The following IKBIP variants were observed in gnomAD, a reference collection of about 807,000 sequenced individuals.
IKBIP encodes the protein inhibitor of nuclear factor kappa-B kinase-interacting protein.
IKBIP carries 28 observed loss-of-function variants against 31.0 expected under a neutral mutation model. The observed-to-expected ratio is 0.90, with a 90% CI of 0.67 to 1.24. The LOEUF (loss-of-function observed/expected upper bound fraction) is 1.24. Ranked by LOEUF, IKBIP falls within the 50% of genes most tolerant of loss-of-function variation. The pLI, the probability that IKBIP is intolerant of heterozygous loss-of-function variation, is 0.00. For missense variants in IKBIP, 453 were observed against 441.9 expected, an observed-to-expected ratio of 1.03 and a Z score of -0.23; for synonymous variants, 164 against 160.3, an observed-to-expected ratio of 1.02 and a Z score of -0.17.
intron 1 of IKBIP, among the ~76,000 whole-genome samples, chr12:98,641,485 T>G (rs1239262612): frequency 1.3e-5 from 2 of 152,232 alleles, no homozygotes; most frequent in African/African-American, 4.8e-5. Context: ...TGTTTACAAA[T>G]GTCTTATGGG....
intron 2 of IKBIP, among the ~76,000 whole-genome samples, chr12:98,629,866 T>G (rs541020197): frequency 6.6e-6 from 1 of 152,366 alleles, no homozygotes; most frequent in African/African-American, 2.4e-5. Flanking sequence ...AAATATTTAG[T>G]GACTAGTATG....
chr12:98,615,519 C>T (rs1047072171), intron 2 of IKBIP, among the ~76,000 whole-genome samples: 4 of 152,130 alleles, frequency 2.6e-5, no homozygotes, highest in Non-Finnish European at 4.4e-5. Context: ...CATGAGCCAT[C>T]GCGCCCGGCC....
intron 2 of IKBIP, 87 bp from the exon 3 acceptor site, chr12:98,626,853 C>T: frequency 1.0e-6 from 1 of 999,252 alleles, no homozygotes; most frequent in Admixed American, 2.4e-5. Flanking sequence ...GAGCATAACA[C>T]ATGCCACGTT....
At chr12:98,643,657 A>G (rs1462782258) in intron 1 of IKBIP, among the ~76,000 whole-genome samples, 1 of 152,174 alleles carries the variant, frequency 6.6e-6, no homozygotes, top group African/African-American at 2.4e-5. Context: ...TTAAGTGAAC[A>G]CAAGTGCTAT....
exon 3 of IKBIP, chr12:98,613,427 G>T: frequency 6.9e-6 from 3 of 435,714 alleles, no homozygotes; most frequent in South Asian, 4.2e-5. Flanking sequence ...ATTTATTTTG[G>T]AAAATCAACC....
chr12:98,643,322 A>G (rs2097632518), intron 1 of IKBIP, among the ~76,000 whole-genome samples: 4 of 152,216 alleles, frequency 2.6e-5, no homozygotes, highest in African/African-American at 9.7e-5. Flanking sequence ...TTCCATATGT[A>G]GTAGCATAAA....
At chr12:98,617,011 A>T (rs2153293676) in intron 2 of IKBIP, among the ~76,000 whole-genome samples, 1 of 152,282 alleles carries the variant, frequency 6.6e-6, no homozygotes, top group African/African-American at 2.4e-5. Context: ...GAATGAAGGG[A>T]CCAATGTCCA....
At chr12:98,616,913 T>G (rs763026422) in intron 2 of IKBIP, among the ~76,000 whole-genome samples, 2 of 152,188 alleles carry the variant, frequency 1.3e-5, no homozygotes, top group African/African-American at 2.4e-5. Context: ...TCGGGTAGTG[T>G]GATGTCTCCA....
chr12:98,621,296 C>A (rs1283572652), downstream of IKBIP, among the ~76,000 whole-genome samples: 1 of 152,052 alleles, frequency 6.6e-6, no homozygotes, highest in African/African-American at 2.4e-5. Flanking sequence ...AATAAAGTGC[C>A]CAGAATATGC....
intron 2 of IKBIP, among the ~76,000 whole-genome samples, chr12:98,618,506 G>A (rs1242766579): frequency 6.6e-6 from 1 of 151,818 alleles, no homozygotes; most frequent in Non-Finnish European, 1.5e-5. Context: ...GGCGCCTGTA[G>A]TCCCAGCTAC....
chr12:98,613,522 C>A, exon 3 of IKBIP: 1 of 713,100 alleles, frequency 1.4e-6, no homozygotes, highest in Non-Finnish European at 2.2e-6. Context: ...TTTTGATTTA[C>A]CAGTCTTCTC....
chr12:98,634,283 A>G lies in IKBIP; in HGVS notation c.297+13T>C, dbSNP rs1475061471. On this transcript the variant is annotated intron_variant, in intron 2 of 2. Coordinates refer to ENST00000299157, the MANE Select transcript of IKBIP (RefSeq NM_153687.4). ...ATGGGAAAACCGTCCCAGATAAGCC[A>G]ATTAATGATTACCTTTTCTGAAATT... is the stretch of plus-strand genomic sequence containing the variant. The G allele has an allele frequency of 7.8e-7, 1 of 1,277,292 alleles. No individual in the cohort carries two copies. The highest frequency in any genetic ancestry group is 1.2e-5 in the South Asian group (1 of 82,862). The allele number at this position is 1,277,292 out of a possible 1,614,324, so 79.1% of individuals were successfully genotyped here. A position where few individuals can be genotyped will look rare whatever the true frequency, so the allele number is the denominator to read the frequency against.
In IKBIP at chr12:98,626,553, C is replaced by A. The variant is rs2097614647; in HGVS notation, c.511G>T (p.Asp171Tyr). 3 of 1,612,978 alleles carry A rather than the reference C, an allele frequency of 1.9e-6. No individual in the cohort carries two copies. Among genetic ancestry groups the A allele is most frequent in the Non-Finnish European group, 2.5e-6 (3 of 1,179,540 alleles). The change falls in exon 3 of 3, where the codon GAC becomes TAC. Residue 171 changes from aspartate (D) to tyrosine (Y), a missense_variant. Physicochemically the swap from Asp to Tyr is radical, Grantham distance 160 (BLOSUM62 -3). Transcript: ENST00000299157. ...RSLEEMNINTDIFKSEAKHIH... is the reference protein window; with the variant it reads ...RSLEEMNINTYIFKSEAKHIH... The stretch of plus-strand genomic sequence containing the variant: ...TGTTTTGCTTCTGATTTGAAAATGT[C>A]TGTATTAATGTTCATTTCTTCTAGG...
chr12:98,642,522 C>A (rs1007681009), intron 1 of IKBIP, among the ~76,000 whole-genome samples: 1 of 149,400 alleles, frequency 6.7e-6, no homozygotes, highest in Non-Finnish European at 1.5e-5. Flanking sequence ...TTATTTAAAA[C>A]AGTAAATTCA....
intron 2 of IKBIP, chr12:98,614,374 G>A (rs776798282): frequency 3.5e-6 from 4 of 1,138,944 alleles, no homozygotes; most frequent in Non-Finnish European, 4.9e-6. Flanking sequence ...ATGATTAAAT[G>A]TATTAGAAGC....
chr12:98,632,131 G>A (rs2097620762), intron 2 of IKBIP, among the ~76,000 whole-genome samples: 1 of 152,026 alleles, frequency 6.6e-6, no homozygotes, highest in African/African-American at 2.4e-5. Flanking sequence ...TGGGATTACA[G>A]GCGTGAGCCA....
chr12:98,634,534 GTT>G (rs370227098), intron 1 of IKBIP, 121 bp from the exon 2 acceptor site: 15,548 of 372,318 alleles, frequency 0.042, no homozygotes, highest in South Asian at 0.055. Flanking sequence ...GTAGCTGTAG[GTT>G]TTTTTTTTTT....
chr12:98,614,373 T>G (rs1299536421), intron 2 of IKBIP: 2 of 1,186,220 alleles, frequency 1.7e-6, no homozygotes, highest in East Asian at 4.8e-5. Context: ...AATGATTAAA[T>G]GTATTAGAAG....
chr12:98,614,081 A>C, exon 3 of IKBIP: 1 of 1,612,838 alleles, frequency 6.2e-7, no homozygotes, highest in Non-Finnish European at 8.5e-7. Context: ...TACATCAGTT[A>C]CTAAACCTGA....
Sources: allele counts gnomAD v4.1 joint callset (sites outside exome capture counted in the v4.1 genomes callset), GRCh38; gene constraint gnomAD v4.1.1; transcripts MANE v1.5; gene names NCBI Gene and HGNC (gene_info 2026-07-23, HGNC 2026-07-21).